The following UNC13C variants were observed in gnomAD, a reference collection of about 807,000 sequenced individuals.
UNC13C encodes unc-13 homolog C.
A neutral mutation model predicts 245.4 loss-of-function variants in UNC13C; 174 were observed. The ratio of observed to expected loss-of-function variants is 0.71; its 90% CI spans 0.63 to 0.80. The LOEUF (loss-of-function observed/expected upper bound fraction) is 0.80, where lower values mean the gene tolerates loss of function less well. Ranked by LOEUF, UNC13C falls within the 30% of genes least tolerant of loss-of-function variation. UNC13C has a pLI of 0.00. For synonymous variants in UNC13C, 992 were observed against 895.1 expected, an observed-to-expected ratio of 1.11 and a Z score of -1.93; for missense variants, 2,829 against 2,602.9, an observed-to-expected ratio of 1.09 and a Z score of -1.89.
intron 30 of UNC13C, among the ~76,000 whole-genome samples, chr15:54,578,355 A>G (rs1031988830): frequency 6.6e-6 from 1 of 152,056 alleles, no homozygotes; most frequent in African/African-American, 2.4e-5. Flanking sequence ...TCGCACTCAC[A>G]TTTTTAATCA....
intron 2 of UNC13C, among the ~76,000 whole-genome samples, chr15:54,057,543 A>G (rs2141067749): frequency 6.6e-6 from 1 of 152,126 alleles, no homozygotes; most frequent in East Asian, 1.9e-4. Context: ...TCAACATTAG[A>G]CAGATCAACA....
chr15:54,520,212 A>T (rs1895156148), intron 24 of UNC13C, among the ~76,000 whole-genome samples: 1 of 152,172 alleles, frequency 6.6e-6, no homozygotes, highest in Non-Finnish European at 1.5e-5. Context: ...AGGCAGGTGG[A>T]TAAAACATTT....
At chr15:53,868,828 C>T in the UNC13C span, among the ~76,000 whole-genome samples, 1 of 152,178 alleles carries the variant, frequency 6.6e-6, no homozygotes, top group East Asian at 1.9e-4. Context: ...ATATTAAAAA[C>T]AAGAATGGGT....
intron 17 of UNC13C, among the ~76,000 whole-genome samples, chr15:54,343,149 T>C (rs1482851256): frequency 6.6e-6 from 1 of 152,010 alleles, no homozygotes; most frequent in Non-Finnish European, 1.5e-5. Context: ...TTTTTTTTTT[T>C]TTTTGACAGA....
intron 2 of UNC13C, among the ~76,000 whole-genome samples, chr15:54,100,246 ACTT>A (rs1372789484): frequency 1.3e-5 from 2 of 151,576 alleles, no homozygotes; most frequent in Non-Finnish European, 2.9e-5. Context: ...CTTTAAATTT[ACTT>A]CTTTGAGAGT....
At chr15:54,576,281 C>T (rs1293442233) in intron 30 of UNC13C, among the ~76,000 whole-genome samples, 4 of 152,180 alleles carry the variant, frequency 2.6e-5, no homozygotes, top group Non-Finnish European at 5.9e-5. Flanking sequence ...GTCTCACACT[C>T]GTTTTCATCC....
chr15:54,612,189 T>C (rs918867445), intron 30 of UNC13C, among the ~76,000 whole-genome samples: 3 of 152,072 alleles, frequency 2.0e-5, no homozygotes, highest in African/African-American at 7.2e-5. Context: ...CTTCCCATCA[T>C]CAATAGTGGA....
intron 2 of UNC13C, among the ~76,000 whole-genome samples, chr15:54,136,709 A>T (rs946286297): frequency 6.6e-6 from 1 of 152,156 alleles, no homozygotes; most frequent in Non-Finnish European, 1.5e-5. Flanking sequence ...TATTATGTAC[A>T]GGTGCATTCC....
chr15:53,984,059 T>C lies in UNC13C; in HGVS notation c.-257+5132T>C, dbSNP rs766344225. The stretch of plus-strand genomic sequence containing the variant: ...TTGTTTTATCTGTATGATTCTTTTC[T>C]CTGAGCATCTGTTCTGCATACTACT... On this transcript the variant is annotated intron_variant, in intron 1 of 32. Transcript: ENST00000260323. 3.4e-4 allele frequency among the ~76,000 whole-genome samples: 51 copies of C among 152,144 alleles called. 1 individual carries two copies. The highest frequency in any genetic ancestry group is 7.4e-5 in the Non-Finnish European group (5 of 68,016).
chr15:54,037,999 T>G (rs1896642668), intron 2 of UNC13C, among the ~76,000 whole-genome samples: 1 of 149,346 alleles, frequency 6.7e-6, no homozygotes, highest in African/African-American at 2.5e-5. Flanking sequence ...ATATATCATT[T>G]TAAAATTAAT....
At chr15:54,307,556 AG>A (rs1194732111) in intron 13 of UNC13C, among the ~76,000 whole-genome samples, 3 of 151,974 alleles carry the variant, frequency 2.0e-5, no homozygotes, top group African/African-American at 7.2e-5. Flanking sequence ...CTCCTGATTT[AG>A]GGGGAAGAGA....
chr15:53,858,182 A>G, the UNC13C span, among the ~76,000 whole-genome samples: 1 of 152,204 alleles, frequency 6.6e-6, no homozygotes, highest in African/African-American at 2.4e-5. Context: ...GCAACATATT[A>G]TCTAGCATTC....
At chr15:54,515,631 T>G (rs576144203) in intron 24 of UNC13C, among the ~76,000 whole-genome samples, 1 of 152,206 alleles carries the variant, frequency 6.6e-6, no homozygotes, top group African/African-American at 2.4e-5. Flanking sequence ...ATTTAGAAGG[T>G]GCATTAATCC....
At chr15:54,230,376 G>T (rs1331193183) in intron 4 of UNC13C, among the ~76,000 whole-genome samples, 1 of 151,820 alleles carries the variant, frequency 6.6e-6, no homozygotes, top group Admixed American at 6.6e-5. Flanking sequence ...CTGCTTGATA[G>T]TTTTCACGTG....
At chr15:54,459,313 T>C (rs1392404565) in intron 19 of UNC13C, among the ~76,000 whole-genome samples, 4 of 152,198 alleles carry the variant, frequency 2.6e-5, no homozygotes, top group Admixed American at 2.6e-4. Context: ...GCTTTTGTCT[T>C]ATAGCCCTTA....
At chr15:54,096,085 G>T (rs1049135220) in intron 2 of UNC13C, among the ~76,000 whole-genome samples, 18 of 152,238 alleles carry the variant, frequency 1.2e-4, no homozygotes, top group Admixed American at 5.2e-4. Context: ...ATGTAGGTAT[G>T]TGTGAGCCTT....
intron 30 of UNC13C, among the ~76,000 whole-genome samples, chr15:54,575,552 A>C (rs1897923194): frequency 6.6e-6 from 1 of 151,810 alleles, no homozygotes; most frequent in Admixed American, 6.6e-5. Flanking sequence ...TGGCAGAAAA[A>C]CTGTTCTCAA....
At chr15:54,504,411 C>G (rs1894374678) in intron 22 of UNC13C, among the ~76,000 whole-genome samples, 1 of 152,112 alleles carries the variant, frequency 6.6e-6, no homozygotes, top group Non-Finnish European at 1.5e-5. Flanking sequence ...TAAATGGGTA[C>G]TATTATTTTC....
the UNC13C span, among the ~76,000 whole-genome samples, chr15:53,940,825 A>C: frequency 6.6e-6 from 1 of 152,360 alleles, no homozygotes; most frequent in South Asian, 2.1e-4. Flanking sequence ...GACACAAAGA[A>C]ATGGAAAAAC....
Sources: allele counts gnomAD v4.1 joint callset (sites outside exome capture counted in the v4.1 genomes callset), GRCh38; gene constraint gnomAD v4.1.1; transcripts MANE v1.5; gene names NCBI Gene and HGNC (gene_info 2026-07-23, HGNC 2026-07-21).